The following SEPTIN10 variants were observed in gnomAD, a reference collection of about 807,000 sequenced individuals.
SEPTIN10 encodes the protein septin 10.
A neutral mutation model predicts 54.8 loss-of-function variants in SEPTIN10; 66 were observed. The observed-to-expected ratio is 1.21, with a 90% CI of 0.99 to 1.48. SEPTIN10 has a LOEUF of 1.48. Ranked by LOEUF, SEPTIN10 falls within the 40% of genes most tolerant of loss-of-function variation. SEPTIN10 has a pLI of 0.00. For missense variants in SEPTIN10, 620 were observed against 545.6 expected (o/e 1.14, Z -1.36); for synonymous variants, 161 against 181.0 (o/e 0.89, Z 0.89).
At chr2:109,594,060 G>A (rs1205807158) in intron 1 of SEPTIN10, among the ~76,000 whole-genome samples, 1 of 152,094 alleles carries the variant, frequency 6.6e-6, no homozygotes, top group Non-Finnish European at 1.5e-5. Flanking sequence ...ATAGACACAG[G>A]TCTGATTTGA....
intron 4 of SEPTIN10, among the ~76,000 whole-genome samples, chr2:109,577,636 C>T (rs955818191): frequency 2.7e-5 from 4 of 150,600 alleles, no homozygotes; most frequent in Admixed American, 6.6e-5. Context: ...AGAACTCGGT[C>T]GGATAGTGGC....
intron 1 of SEPTIN10, chr2:109,613,256 C>A (rs1699665581): frequency 8.9e-7 from 1 of 1,121,390 alleles, no homozygotes; most frequent in African/African-American, 1.6e-5. Flanking sequence ...AGTGAACAAA[C>A]GCGTTCTTTT....
chr2:109,612,774 G>A (rs974464839), intron 1 of SEPTIN10, among the ~76,000 whole-genome samples: 2 of 152,134 alleles, frequency 1.3e-5, no homozygotes, highest in Non-Finnish European at 2.9e-5. Flanking sequence ...GAAAATTTGA[G>A]ATTTTTAAAA....
At position 109,585,798 on chromosome 2, in the gene SEPTIN10, A is replaced by C; in HGVS notation, c.140T>G (p.Val47Gly). ...NIRSLTMSGH[V>G]GFESLPDQLV... ...CTGATCAGGCAAACTCTCAAAACCA[A>C]CATGGCCAGACATAGTCAACGAACG... Residue 47 changes from valine (V) to glycine (G), a missense_variant, in exon 3 of 11, where the codon GTT becomes GGT. By Grantham distance (109) the Val-to-Gly change is moderately radical. Coordinates refer to ENST00000397712, the MANE Select transcript of SEPTIN10 (RefSeq NM_144710.5). 6.2e-7 allele frequency: 1 copy of C among 1,613,944 alleles called. No individual in the cohort carries two copies. Among genetic ancestry groups the C allele is most frequent in the Non-Finnish European group, 8.5e-7 (1 of 1,179,884 alleles).
intron 2 of SEPTIN10, among the ~76,000 whole-genome samples, chr2:109,591,749 T>C (rs1436397701): frequency 6.6e-6 from 1 of 151,888 alleles, no homozygotes. Context: ...AATACAAAAA[T>C]TGGCCGAGTG....
intron 1 of SEPTIN10, among the ~76,000 whole-genome samples, chr2:109,600,200 T>G (rs1696311991): frequency 1.3e-5 from 2 of 152,130 alleles, no homozygotes; most frequent in South Asian, 4.1e-4. Flanking sequence ...TTGGGCTTCC[T>G]CCCTTCTTTC....
At chr2:109,575,272 C>T (rs918736084) in intron 4 of SEPTIN10, among the ~76,000 whole-genome samples, 3 of 152,204 alleles carry the variant, frequency 2.0e-5, no homozygotes, top group Admixed American at 2.0e-4. Flanking sequence ...TATTATTTAA[C>T]TAACTGAGAA....
At chr2:109,583,727 G>A (rs1691771774) in intron 4 of SEPTIN10, among the ~76,000 whole-genome samples, 1 of 152,068 alleles carries the variant, frequency 6.6e-6, no homozygotes, top group Admixed American at 6.6e-5. Flanking sequence ...GCAAAGACAT[G>A]GAATCAACCT....
intron 1 of SEPTIN10, among the ~76,000 whole-genome samples, chr2:109,609,586 A>C (rs1698776658): frequency 6.8e-6 from 1 of 147,774 alleles, no homozygotes; most frequent in Non-Finnish European, 1.5e-5. Flanking sequence ...ACTGCACTCT[A>C]GCCTGGGTGA....
intron 6 of SEPTIN10, among the ~76,000 whole-genome samples, chr2:109,566,322 T>C (rs1197509126): frequency 9.2e-5 from 14 of 151,976 alleles, no homozygotes; most frequent in Admixed American, 3.9e-4. Flanking sequence ...CGTTTCACCA[T>C]GTTGGCCAGG....
At chr2:109,590,121 C>T (rs778384056) in intron 2 of SEPTIN10, among the ~76,000 whole-genome samples, 1 of 146,730 alleles carries the variant, frequency 6.8e-6, no homozygotes, top group Non-Finnish European at 1.5e-5. Flanking sequence ...TATATATATA[C>T]ACACATACAG....
chr2:109,554,888 C>G (rs1203194261), intron 8 of SEPTIN10, among the ~76,000 whole-genome samples: 2 of 152,136 alleles, frequency 1.3e-5, no homozygotes, highest in African/African-American at 4.8e-5. Context: ...TATGTAGAAA[C>G]TTGGAAATCC....
At chr2:109,613,303 T>A in intron 1 of SEPTIN10, 2 of 591,576 alleles carry the variant, frequency 3.4e-6, no homozygotes, top group African/African-American at 1.9e-5. Flanking sequence ...AAAAACGGTT[T>A]AAAATCCCAA....
chr2:109,600,939 T>A (rs907791077), intron 1 of SEPTIN10, among the ~76,000 whole-genome samples: 2 of 152,222 alleles, frequency 1.3e-5, no homozygotes, highest in African/African-American at 4.8e-5. Context: ...GATAAAGAGA[T>A]ACAAAGCTCA....
At chr2:109,548,319 ATCTG>A (rs1204615842) in intron 9 of SEPTIN10, among the ~76,000 whole-genome samples, 1 of 152,180 alleles carries the variant, frequency 6.6e-6, no homozygotes, top group African/African-American at 2.4e-5. Flanking sequence ...GGTTAGGTAA[ATCTG>A]ACATTAACAT....
intron 9 of SEPTIN10, among the ~76,000 whole-genome samples, chr2:109,550,046 T>C (rs1041269540): frequency 1.3e-5 from 2 of 151,970 alleles, no homozygotes; most frequent in African/African-American, 4.8e-5. Flanking sequence ...ATCTTTTTTC[T>C]TTGGGAGGCC....
chr2:109,562,843 A>C (rs1373112416), intron 8 of SEPTIN10, among the ~76,000 whole-genome samples: 1 of 152,174 alleles, frequency 6.6e-6, no homozygotes, highest in African/African-American at 2.4e-5. Context: ...GTTTACGAGA[A>C]TGACTGGCCC....
At chr2:109,596,461 C>T (rs1343149598) in intron 1 of SEPTIN10, among the ~76,000 whole-genome samples, 3 of 151,770 alleles carry the variant, frequency 2.0e-5, no homozygotes, top group Admixed American at 1.3e-4. Flanking sequence ...ACTAAAAATA[C>T]AAAAAATTAG....
rs1488502933 is a variant in SEPTIN10, at chr2:109,543,266, T to G, written c.*1043A>C. 1 of 152,196 alleles carries G rather than the reference T, an allele frequency of 6.6e-6. No homozygotes were observed. Among genetic ancestry groups the G allele is most frequent in the African/African-American group, 2.4e-5 (1 of 41,440 alleles). The allele number at this position is 152,196 out of a possible 1,614,324, so 9.4% of individuals were successfully genotyped here. A position where few individuals can be genotyped will look rare whatever the true frequency, so the allele number is the denominator to read the frequency against. On this transcript the variant is annotated 3_prime_UTR_variant, in exon 11 of 11. Transcript: ENST00000397712. ...TATTTTTACCCTGGAAGACAGAGTT[T>G]AAACAAGTATGTAATGAAAAGTTTT...
Sources: allele counts gnomAD v4.1 joint callset (sites outside exome capture counted in the v4.1 genomes callset), GRCh38; gene constraint gnomAD v4.1.1; transcripts MANE v1.5; gene names NCBI Gene and HGNC (gene_info 2026-07-23, HGNC 2026-07-21).